The following UGT3A2 variants were observed in gnomAD, a reference collection of about 807,000 sequenced individuals.
UGT3A2 encodes UDP-glycosyltransferase 3A2.
Under a neutral mutation model 39.8 loss-of-function variants are expected in UGT3A2, and 32 were observed. That is an observed-to-expected ratio of 0.80 (90% confidence interval 0.61 to 1.08). UGT3A2 has a LOEUF of 1.08. UGT3A2 is among the 50% of genes least tolerant of loss of function. The probability of loss-of-function intolerance (pLI) is 0.00; values close to 1 mark genes in which losing one functional copy is unlikely to be tolerated. For synonymous variants in UGT3A2, 241 were observed against 230.7 expected, an observed-to-expected ratio of 1.04 and a Z score of -0.40; for missense variants, 611 against 637.1, an observed-to-expected ratio of 0.96 and a Z score of 0.44.
chr5:36,063,485 T>C (rs1457677244), intron 2 of UGT3A2, among the ~76,000 whole-genome samples: 1 of 152,200 alleles, frequency 6.6e-6, no homozygotes, highest in African/African-American at 2.4e-5. Flanking sequence ...ATCTCAGCCA[T>C]AGACTCCTAA....
intron 2 of UGT3A2, among the ~76,000 whole-genome samples, chr5:36,063,558 AG>A (rs764226061): frequency 6.6e-6 from 1 of 152,226 alleles, no homozygotes; most frequent in Non-Finnish European, 1.5e-5. Flanking sequence ...TCATAAAAAG[AG>A]GAAAAGTAAT....
At chr5:36,037,717 A>C in intron 6 of UGT3A2, 80 bp downstream of exon 6, 1 of 1,499,788 alleles carries the variant, frequency 6.7e-7, no homozygotes, top group Admixed American at 2.0e-5. Flanking sequence ...AAACAAAACC[A>C]AAAAAACAGA....
chr5:36,039,656 G>A lies in UGT3A2; in HGVS notation c.896C>T (p.Thr299Ile), dbSNP rs1561489303. The A allele has an allele frequency of 6.2e-7, 1 of 1,614,178 alleles. No homozygotes were observed. The highest frequency in any genetic ancestry group is 8.5e-7 in the Non-Finnish European group (1 of 1,180,034). Residue 299 changes from threonine to isoleucine, a missense_variant, in exon 5 of 7, where the codon ACC (threonine) becomes ATC (isoleucine). Transcript: ENST00000282507. The part of the protein sequence containing the change: ...KFGDSGFVLV[T>I]LGSMVNTCQN... ...ACAGGTGTTCACCATGGAGCCCAAGGTCACAAGGACAAAACCAGAGTCCCC... is the reference window on the plus strand; with the variant it reads ...ACAGGTGTTCACCATGGAGCCCAAGATCACAAGGACAAAACCAGAGTCCCC...
intron 4 of UGT3A2, among the ~76,000 whole-genome samples, chr5:36,040,217 A>C (rs1262589626): frequency 6.6e-6 from 1 of 152,122 alleles, no homozygotes; most frequent in Non-Finnish European, 1.5e-5. Context: ...CTTTTTGTAC[A>C]CGCTTCATCC....
At chr5:36,064,800 G>C (rs763168121) in intron 1 of UGT3A2, among the ~76,000 whole-genome samples, 2 of 152,158 alleles carry the variant, frequency 1.3e-5, no homozygotes, top group African/African-American at 2.4e-5. Context: ...CTGCTCTTTG[G>C]ACATTTCTGC....
intron 4 of UGT3A2, among the ~76,000 whole-genome samples, chr5:36,042,447 A>G (rs1397466696): frequency 6.6e-6 from 1 of 152,182 alleles, no homozygotes; most frequent in Non-Finnish European, 1.5e-5. Flanking sequence ...CATTTTCACT[A>G]AAAGGAAGAC....
At chr5:36,049,715 G>A (rs577393224) in intron 3 of UGT3A2, among the ~76,000 whole-genome samples, 1 of 152,348 alleles carries the variant, frequency 6.6e-6, no homozygotes, top group East Asian at 1.9e-4. Flanking sequence ...CAGAGCAGCA[G>A]ATCTCAGAGT....
intron 6 of UGT3A2, among the ~76,000 whole-genome samples, chr5:36,036,720 C>T (rs1201394415): frequency 6.6e-6 from 1 of 152,200 alleles, no homozygotes; most frequent in Non-Finnish European, 1.5e-5. Context: ...AATTTAATGA[C>T]TCTTCTAAGT....
At chr5:36,066,569 A>G (rs1742884590) in intron 1 of UGT3A2, 127 bp downstream of exon 1, 2 of 1,534,622 alleles carry the variant, frequency 1.3e-6, no homozygotes, top group Non-Finnish European at 1.8e-6. Flanking sequence ...TCCCTCCTCC[A>G]GCCGGGTCCG....
At chr5:36,047,989 C>A (rs1311750705) in intron 4 of UGT3A2, among the ~76,000 whole-genome samples, 1 of 152,182 alleles carries the variant, frequency 6.6e-6, no homozygotes, top group East Asian at 1.9e-4. Flanking sequence ...ACCCATAGGT[C>A]TTTCCCCAAC....
chr5:36,057,476 T>A (rs1185804012), intron 2 of UGT3A2, among the ~76,000 whole-genome samples: 1 of 152,216 alleles, frequency 6.6e-6, no homozygotes, highest in East Asian at 1.9e-4. Context: ...TTGCTCTGCT[T>A]GTATTTGTTA....
At position 36,036,068 on chromosome 5, in the gene UGT3A2, T is replaced by C; in HGVS notation, c.1296-94A>G. On this transcript the variant is annotated intron_variant, in intron 6 of 6. Coordinates refer to ENST00000282507, the MANE Select transcript of UGT3A2 (RefSeq NM_174914.4). ...CTATATGATGCACCAAAGACTGAGT[T>C]CCAAGGAAATTCTGTTGGCTTTGCA... 15 of 1,460,774 alleles carry C rather than the reference T, an allele frequency of 1.0e-5. 1 individual carries two copies. The highest frequency in any genetic ancestry group is 1.3e-5 in the Non-Finnish European group (14 of 1,083,566). 90.5% of individuals were successfully genotyped at this position (1,460,774 alleles called of 1,614,324 possible).
chr5:36,054,953 TCTC>T (rs1011793020), intron 2 of UGT3A2, among the ~76,000 whole-genome samples: 1 of 152,070 alleles, frequency 6.6e-6, no homozygotes, highest in Non-Finnish European at 1.5e-5. Context: ...CCTGTCATAT[TCTC>T]CTCCCTGTCA....
chr5:36,048,836 T>C, intron 4 of UGT3A2, 53 bp downstream of exon 4: 4 of 1,577,682 alleles, frequency 2.5e-6, no homozygotes, highest in Non-Finnish European at 3.4e-6. Flanking sequence ...CCACCAACTA[T>C]GCACTGAAGG....
rs756393315 is a variant in UGT3A2, at chr5:36,066,810, C to T, written c.-21G>A. On this transcript the variant is annotated 5_prime_UTR_variant, in exon 1 of 7. Coordinates refer to ENST00000282507, the MANE Select transcript of UGT3A2 (RefSeq NM_174914.4). ...GCCATGCTCACTTCTACGGAAGCCG[C>T]GGATCTCAGCCTGGGCTGCGCGCCC... The T allele has an allele frequency of 5.5e-5, 89 of 1,613,970 alleles. No homozygotes were observed. Among genetic ancestry groups the T allele is most frequent in the Non-Finnish European group, 7.1e-5 (84 of 1,179,926 alleles).
intron 4 of UGT3A2, among the ~76,000 whole-genome samples, chr5:36,046,943 A>T (rs991112934): frequency 1.9e-4 from 29 of 152,220 alleles, no homozygotes; most frequent in African/African-American, 6.3e-4. Flanking sequence ...CCCAAATCTA[A>T]GCCAAAGAGA....
intron 2 of UGT3A2, among the ~76,000 whole-genome samples, chr5:36,053,699 T>C (rs1742420623): frequency 6.6e-6 from 1 of 152,240 alleles, no homozygotes; most frequent in African/African-American, 2.4e-5. Context: ...TATTGTCTTA[T>C]AGTTCTGGAG....
intron 2 of UGT3A2, among the ~76,000 whole-genome samples, chr5:36,055,225 G>GTTTT (rs67212623): frequency 5.3e-5 from 8 of 150,788 alleles, no homozygotes; most frequent in African/African-American, 2.0e-4. Flanking sequence ...CTGCTCTGCA[G>GTTTT]TTTGTTTTTT....
intron 4 of UGT3A2, among the ~76,000 whole-genome samples, chr5:36,040,759 A>G (rs977113730): frequency 1.3e-5 from 2 of 152,160 alleles, no homozygotes; most frequent in Admixed American, 6.5e-5. Flanking sequence ...TTGAAAGGCA[A>G]TCTAGGCCAC....
Sources: gnomAD v4.1 joint callset for allele counts (sites outside exome capture counted in the v4.1 genomes callset) on GRCh38, gnomAD v4.1.1 for gene constraint, MANE v1.5 for transcripts, NCBI Gene and HGNC (gene_info 2026-07-23, HGNC 2026-07-21) for gene names.